The following SORCS2 variants were observed in gnomAD, a reference collection of about 807,000 sequenced individuals.
The protein encoded by SORCS2 is sortilin related VPS10 domain containing receptor 2.
A neutral mutation model predicts 141.6 loss-of-function variants in SORCS2; 100 were observed. That is an observed-to-expected ratio of 0.71 (90% CI 0.60 to 0.83). The LOEUF (loss-of-function observed/expected upper bound fraction) is 0.83, where lower values mean the gene tolerates loss of function less well. Among genes scored for constraint, SORCS2 ranks in the 40% least tolerant of loss-of-function variants. The pLI is 0.00. For synonymous variants in SORCS2, 789 were observed against 676.9 expected, an observed-to-expected ratio of 1.17 and a Z score of -2.57; for missense variants, 1,646 against 1,560.2, an observed-to-expected ratio of 1.05 and a Z score of -0.93.
At chr4:7,550,610 G>C (rs1279712227) in intron 3 of SORCS2, among the ~76,000 whole-genome samples, 3 of 152,216 alleles carry the variant, frequency 2.0e-5, no homozygotes, top group Non-Finnish European at 2.9e-5. Context: ...AATCTTAGTA[G>C]CCACACAGCT....
chr4:7,686,861 G>A (rs1257489508), intron 10 of SORCS2, among the ~76,000 whole-genome samples: 12 of 152,232 alleles, frequency 7.9e-5, no homozygotes, highest in African/African-American at 2.7e-4. Context: ...GCCGCAAGGC[G>A]AATGCAAAAG....
chr4:7,669,567 ATGT>A (rs1280194939), intron 8 of SORCS2, among the ~76,000 whole-genome samples: 14 of 152,300 alleles, frequency 9.2e-5, no homozygotes, highest in Non-Finnish European at 1.6e-4. Context: ...TCCTCATCAG[ATGT>A]TGTTGTTTTA....
intron 3 of SORCS2, among the ~76,000 whole-genome samples, chr4:7,603,107 C>T (rs1717842106): frequency 6.6e-6 from 1 of 151,304 alleles, no homozygotes; most frequent in Middle Eastern, 3.2e-3. Flanking sequence ...GAGATGGCGG[C>T]ACTACAGTTC....
intron 1 of SORCS2, among the ~76,000 whole-genome samples, chr4:7,321,508 CA>C (rs1346891011): frequency 6.6e-6 from 1 of 152,226 alleles, no homozygotes; most frequent in African/African-American, 2.4e-5. Context: ...ATCAAGAACT[CA>C]ATCCCGGGAC....
At chr4:7,382,983 T>C (rs1723080084) in intron 1 of SORCS2, among the ~76,000 whole-genome samples, 1 of 152,172 alleles carries the variant, frequency 6.6e-6, no homozygotes, top group African/African-American at 2.4e-5. Flanking sequence ...AGATATGCTA[T>C]TTTTTAAATA....
chr4:7,314,971 A>G (rs1718465639), intron 1 of SORCS2, among the ~76,000 whole-genome samples: 1 of 152,104 alleles, frequency 6.6e-6, no homozygotes, highest in Non-Finnish European at 1.5e-5. Flanking sequence ...AGCTGGAATT[A>G]CAGGTGCTCG....
In SORCS2 at chr4:7,685,567, A is replaced by G. The variant is rs1723820247; in HGVS notation, c.1488+2678A>G. ...ATGCCTATAATCCCACCTACTTGGGAGGCTGAGGCAGGAGAATCGCTTGAA... is the reference window on the plus strand; with the variant it reads ...ATGCCTATAATCCCACCTACTTGGGGGGCTGAGGCAGGAGAATCGCTTGAA... On this transcript the variant is annotated intron_variant, in intron 10 of 26. Transcript: ENST00000507866. Among the ~76,000 whole-genome samples the G allele has an allele frequency of 2.0e-5, 3 of 152,224 alleles. No homozygotes were observed. The South Asian group carries it at 6.2e-4, about 32-fold the overall frequency.
chr4:7,241,853 G>A (rs1712720745), intron 1 of SORCS2, among the ~76,000 whole-genome samples: 1 of 152,244 alleles, frequency 6.6e-6, no homozygotes, highest in South Asian at 2.1e-4. Flanking sequence ...GTGTGGCCTT[G>A]CTGGGCGCTG....
chr4:7,212,444 G>A (rs1728109333), intron 1 of SORCS2, among the ~76,000 whole-genome samples: 1 of 152,208 alleles, frequency 6.6e-6, no homozygotes, highest in African/African-American at 2.4e-5. Context: ...GAATTCCTAA[G>A]CTCACAGAAC....
intron 3 of SORCS2, among the ~76,000 whole-genome samples, chr4:7,534,977 A>G (rs1000838065): frequency 6.6e-6 from 1 of 152,098 alleles, no homozygotes; most frequent in African/African-American, 2.4e-5. Flanking sequence ...CCTCACCCAC[A>G]TTGTTCTGCC....
At chr4:7,334,515 G>T (rs185452272) in intron 1 of SORCS2, among the ~76,000 whole-genome samples, 63 of 152,312 alleles carry the variant, frequency 4.1e-4, no homozygotes, top group Non-Finnish European at 6.8e-4. Flanking sequence ...TGACACCTGG[G>T]GGGTGCTCAG....
At chr4:7,722,645 C>T (rs1726669199) in intron 18 of SORCS2, among the ~76,000 whole-genome samples, 1 of 152,142 alleles carries the variant, frequency 6.6e-6, no homozygotes, top group Non-Finnish European at 1.5e-5. Flanking sequence ...GGATTTAGGG[C>T]CCACCCTAAT....
At chr4:7,454,883 G>T (rs1336201932) in intron 2 of SORCS2, among the ~76,000 whole-genome samples, 3 of 137,490 alleles carry the variant, frequency 2.2e-5, no homozygotes, top group East Asian at 2.3e-4. Context: ...GTGTGTTGGG[G>T]TCAGGTGCTG....
In SORCS2 at chr4:7,553,409, A is replaced by C. The variant is rs57717198; in HGVS notation, c.648+21780A>C. Among the ~76,000 whole-genome samples, 936 of 152,366 alleles carry C rather than the reference A, an allele frequency of 6.1e-3. 10 individuals are homozygous for C. Among genetic ancestry groups the C allele is most frequent in the African/African-American group, 0.021 (865 of 41,580 alleles). On this transcript the variant is annotated intron_variant, in intron 3 of 26. Coordinates refer to ENST00000507866, the MANE Select transcript of SORCS2 (RefSeq NM_020777.3). ...AAACATATTTTCAGTACTGAATTTC[A>C]AAATGATAAAATGGATTTGAATGTC... is the stretch of plus-strand genomic sequence containing the variant.
At chr4:7,474,943 AG>A (rs1730201760) in intron 2 of SORCS2, among the ~76,000 whole-genome samples, 1 of 151,986 alleles carries the variant, frequency 6.6e-6, no homozygotes, top group African/African-American at 2.4e-5. Flanking sequence ...CTCCTCCCCC[AG>A]TCACTGTCTC....
At position 7,675,907 on chromosome 4, in the gene SORCS2, AGCCAGGAGGCAAACCTAG is replaced by A; in HGVS notation, c.1162-136_1162-119del. 3.6e-6 allele frequency: 3 copies of A among 842,736 alleles called. No individual in the cohort carries two copies. In the South Asian group the frequency reaches 5.1e-5, roughly 14 times the overall value. The allele number at this position is 842,736 out of a possible 1,614,324, so 52.2% of individuals were successfully genotyped here. ...AAGGCCACAGAGCCCAGAGCAGCCGAGCCAGGAGGCAAACCTAGGCCAGGCTGGCTCCAGGAGAGCCAG... is the reference window on the plus strand; with the variant it reads ...AAGGCCACAGAGCCCAGAGCAGCCGAGCCAGGCTGGCTCCAGGAGAGCCAG... On this transcript the variant is annotated intron_variant, in intron 8 of 26. Coordinates refer to ENST00000507866, the MANE Select transcript of SORCS2 (RefSeq NM_020777.3).
chr4:7,509,799 G>T lies in SORCS2; in HGVS notation c.549-21731G>T, dbSNP rs573127293. On this transcript the variant is annotated intron_variant, in intron 2 of 26. Transcript: ENST00000507866. The stretch of plus-strand genomic sequence containing the variant: ...CCGGGGCTGTGTTCTGGGGCTTGGG[G>T]ACCCACTGAGGATAGGCTCTGGCTC... Among the ~76,000 whole-genome samples, 146 of 152,342 alleles carry T rather than the reference G, an allele frequency of 9.6e-4. 1 individual carries two copies. The highest frequency in any genetic ancestry group is 3.2e-3 in the African/African-American group (134 of 41,586).
At chr4:7,420,498 G>A (rs1481344864) in intron 2 of SORCS2, among the ~76,000 whole-genome samples, 1 of 152,178 alleles carries the variant, frequency 6.6e-6, no homozygotes, top group Non-Finnish European at 1.5e-5. Flanking sequence ...GGACATGTGG[G>A]GGCACTGGAG....
At chr4:7,556,058 A>C (rs897353557) in intron 3 of SORCS2, among the ~76,000 whole-genome samples, 6 of 152,230 alleles carry the variant, frequency 3.9e-5, no homozygotes, top group African/African-American at 1.4e-4. Flanking sequence ...ATGGGGAGCC[A>C]GTAAAGGATT....
Sources: gnomAD v4.1 joint callset for allele counts (sites outside exome capture counted in the v4.1 genomes callset) on GRCh38, gnomAD v4.1.1 for gene constraint, MANE v1.5 for transcripts, NCBI Gene and HGNC (gene_info 2026-07-23, HGNC 2026-07-21) for gene names.